The following FAM184A variants were observed in gnomAD, a reference collection of about 807,000 sequenced individuals.
FAM184A encodes protein FAM184A.
A neutral mutation model predicts 143.8 loss-of-function variants in FAM184A; 99 were observed. The observed-to-expected ratio is 0.69, with a 90% CI of 0.58 to 0.81. The LOEUF is 0.81. FAM184A is among the 40% of genes least tolerant of loss of function. The pLI is 0.00. For synonymous variants in FAM184A, 427 were observed against 446.4 expected (o/e 0.96, Z 0.55); for missense variants, 1,217 against 1,310.5 (o/e 0.93, Z 1.10).
rs1383832814 is a variant in FAM184A, at chr6:119,113,268, C to T, written c.-202+35810G>A. On this transcript the variant is annotated intron_variant, in intron 1 of 16. Transcript: ENST00000352896. ...TGTGGCCAGGAAACTCTCTCGCTTG[C>T]TCAACCTGCCTCCTAATTTCCCCAG... Among the ~76,000 whole-genome samples, 4 of 152,316 alleles carry T rather than the reference C, an allele frequency of 2.6e-5. No individual in the cohort carries two copies. In the East Asian group the frequency reaches 5.8e-4, roughly 22 times the overall value.
chr6:119,136,114 TAA>T (rs1227239004), intron 1 of FAM184A, among the ~76,000 whole-genome samples: 2 of 148,238 alleles, frequency 1.3e-5, no homozygotes, highest in Non-Finnish European at 3.0e-5. Context: ...CCGTCTCTAC[TAA>T]AAATACAAAA....
chr6:119,072,243 ACTATG>A (rs1787714018), intron 1 of FAM184A, among the ~76,000 whole-genome samples: 1 of 152,230 alleles, frequency 6.6e-6, no homozygotes, highest in African/African-American at 2.4e-5. Flanking sequence ...TTAACAGGAT[ACTATG>A]CTTTTGTGTC....
At chr6:119,127,520 TAGAA>T (rs1789403732) in intron 1 of FAM184A, among the ~76,000 whole-genome samples, 1 of 152,182 alleles carries the variant, frequency 6.6e-6, no homozygotes, top group African/African-American at 2.4e-5. Flanking sequence ...GTAAACCTCA[TAGAA>T]AGAGACTTTG....
chr6:119,062,741 C>T (rs932632077), intron 1 of FAM184A, among the ~76,000 whole-genome samples: 22 of 152,108 alleles, frequency 1.4e-4, no homozygotes, highest in Admixed American at 2.0e-4. Flanking sequence ...GTAGGAGAAA[C>T]AAAAGGACTC....
At chr6:119,019,376 C>T (rs1474719700) in intron 4 of FAM184A, among the ~76,000 whole-genome samples, 1 of 151,918 alleles carries the variant, frequency 6.6e-6, no homozygotes, top group Non-Finnish European at 1.5e-5. Flanking sequence ...GAGGACTGCA[C>T]CAGGTTAAGG....
chr6:119,097,760 GTCTC>G (rs1414407235), intron 1 of FAM184A, among the ~76,000 whole-genome samples: 2 of 152,116 alleles, frequency 1.3e-5, no homozygotes, highest in East Asian at 1.9e-4. Flanking sequence ...AACAGAATCT[GTCTC>G]TCTCTTTCTC....
intron 1 of FAM184A, among the ~76,000 whole-genome samples, chr6:119,056,211 T>C (rs75407044): frequency 0.015 from 2,237 of 152,270 alleles, 49 homozygotes; most frequent in African/African-American, 0.051. Context: ...TTAATTCAAA[T>C]GTTCTATTCT....
intron 1 of FAM184A, among the ~76,000 whole-genome samples, chr6:119,030,771 AG>A (rs1054003985): frequency 1.3e-5 from 2 of 151,996 alleles, no homozygotes; most frequent in Non-Finnish European, 2.9e-5. Context: ...TTTTACAAAT[AG>A]AAAAAAAAAC....
intron 14 of FAM184A, among the ~76,000 whole-genome samples, chr6:118,970,008 A>ATATATATATATATATATTTTTTTTTTT: frequency 1.6e-4 from 3 of 19,046 alleles, no homozygotes; most frequent in African/African-American, 3.1e-4. Flanking sequence ...ATATATATAT[A>ATATATATATATATATATTTTTTTTTTT]TTTTTTTTTT....
intron 12 of FAM184A, 142 bp from the exon 13 acceptor site, chr6:118,975,350 GA>G (rs926584274): frequency 3.2e-6 from 2 of 624,536 alleles, no homozygotes; most frequent in African/African-American, 3.7e-5. Flanking sequence ...GCTGAAATGA[GA>G]AAACCTCAAG....
intron 9 of FAM184A, among the ~76,000 whole-genome samples, chr6:118,986,875 C>T (rs2114599903): frequency 6.6e-6 from 1 of 152,248 alleles, no homozygotes; most frequent in Admixed American, 6.5e-5. Flanking sequence ...CTCTATGTCA[C>T]TGCTAAAAAG....
At chr6:119,102,998 T>G (rs1347008063) in intron 1 of FAM184A, among the ~76,000 whole-genome samples, 1 of 152,148 alleles carries the variant, frequency 6.6e-6, no homozygotes, top group Non-Finnish European at 1.5e-5. Context: ...TCATCTGTTC[T>G]TCATGCAATT....
intron 1 of FAM184A, among the ~76,000 whole-genome samples, chr6:119,120,848 C>CT (rs374951012): frequency 0.21 from 21,068 of 98,134 alleles, 1,830 homozygotes; most frequent in Non-Finnish European, 0.24. Context: ...TTCTTTCTTT[C>CT]TTTTTTTTTT....
intron 9 of FAM184A, among the ~76,000 whole-genome samples, chr6:118,992,792 T>C (rs906643844): frequency 3.3e-5 from 5 of 152,138 alleles, no homozygotes; most frequent in African/African-American, 1.2e-4. Flanking sequence ...TTAGCTGGCA[T>C]AGTGGCATGT....
intron 14 of FAM184A, among the ~76,000 whole-genome samples, chr6:118,967,849 CT>C (rs1270443341): frequency 1.3e-5 from 2 of 152,100 alleles, no homozygotes; most frequent in Admixed American, 1.3e-4. Flanking sequence ...AATAAAGATT[CT>C]TAGAAAAAAT....
chr6:119,086,120 T>C (rs115127882), intron 1 of FAM184A, among the ~76,000 whole-genome samples: 1 of 152,096 alleles, frequency 6.6e-6, no homozygotes, highest in Non-Finnish European at 1.5e-5. Context: ...ACCTCACTTT[T>C]AAAAAAATCT....
intron 1 of FAM184A, among the ~76,000 whole-genome samples, chr6:119,076,688 C>T (rs1787883242): frequency 1.3e-5 from 2 of 152,176 alleles, no homozygotes; most frequent in South Asian, 2.1e-4. Flanking sequence ...ATGTTATGGA[C>T]ACATCATAAG....
intron 9 of FAM184A, among the ~76,000 whole-genome samples, chr6:119,001,279 G>A (rs931527980): frequency 1.1e-4 from 17 of 151,016 alleles, no homozygotes; most frequent in Admixed American, 2.0e-4. Context: ...ATGGCAATGC[G>A]TGTGCCTAAA....
At chr6:119,105,930 C>T (rs770326585) in intron 1 of FAM184A, among the ~76,000 whole-genome samples, 2 of 152,116 alleles carry the variant, frequency 1.3e-5, no homozygotes, top group African/African-American at 2.4e-5. Flanking sequence ...GTATAACTAA[C>T]GTGAAGATAT....
Sources: gnomAD v4.1 joint callset for allele counts (sites outside exome capture counted in the v4.1 genomes callset) on GRCh38, gnomAD v4.1.1 for gene constraint, MANE v1.5 for transcripts, NCBI Gene and HGNC (gene_info 2026-07-23, HGNC 2026-07-21) for gene names.